Variants in TMEM132E observed in about 807,000 individuals in gnomAD.
TMEM132E encodes transmembrane protein 132E.
A neutral mutation model predicts 78.5 loss-of-function variants in TMEM132E; 49 were observed. The ratio of observed to expected loss-of-function variants is 0.62; its 90% CI spans 0.50 to 0.79. The LOEUF (loss-of-function observed/expected upper bound fraction) is 0.79. TMEM132E is among the 30% of genes least tolerant of loss of function. TMEM132E has a pLI of 0.00. For missense variants in TMEM132E, 1,403 were observed against 1,470.9 expected (o/e 0.95, Z 0.75); for synonymous variants, 715 against 670.6 (o/e 1.07, Z -1.02).
intron 1 of TMEM132E, among the ~76,000 whole-genome samples, chr17:34,593,256 T>A (rs371081064): frequency 1.5e-5 from 2 of 136,934 alleles, no homozygotes; most frequent in Non-Finnish European, 3.2e-5. Context: ...TAAAAAAAAA[T>A]TATATTGAAA....
chr17:34,636,268 G>A (rs889226251), intron 8 of TMEM132E, 70 bp downstream of exon 8: 2 of 1,340,982 alleles, frequency 1.5e-6, no homozygotes, highest in Non-Finnish European at 1.9e-6. Flanking sequence ...GCTCTGCTTT[G>A]CCCTAGCACC....
chr17:34,622,160 C>G (rs955237475), intron 1 of TMEM132E, among the ~76,000 whole-genome samples: 6 of 152,234 alleles, frequency 3.9e-5, no homozygotes, highest in African/African-American at 1.4e-4. Flanking sequence ...GAAAACTTGA[C>G]AGACCAACTG....
Position 34,628,649 on chromosome 17 carries a change from C to T in TMEM132E, c.1085C>T (p.Ala362Val), listed in dbSNP as rs1386659773. The T allele has an allele frequency of 6.2e-7, 1 of 1,613,458 alleles. No homozygotes were observed. The highest frequency in any genetic ancestry group is 1.3e-5 in the African/African-American group (1 of 74,916). Reference sequence around the variant, plus strand: ...GTGACCTCGGAGCTGCTGACTGGGGCAAAGCACTCAACAGCCACCGTGGAT... The same window carrying T: ...GTGACCTCGGAGCTGCTGACTGGGGTAAAGCACTCAACAGCCACCGTGGAT... ...WHVTSELLTG[A>V]KHSTATVDVA... The change falls in exon 3 of 9, where the codon GCA (alanine) becomes GTA (valine). Residue 362 changes from alanine to valine, a missense_variant. Ala to Val is a moderately conservative substitution (Grantham distance 64). Transcript: ENST00000631683.
At chr17:34,627,834 G>C (rs1047944015) in intron 2 of TMEM132E, among the ~76,000 whole-genome samples, 1 of 152,180 alleles carries the variant, frequency 6.6e-6, no homozygotes, top group African/African-American at 2.4e-5. Context: ...CTGTCGGAAA[G>C]GGTCATGCCT....
At chr17:34,609,519 C>T (rs1248119374) in intron 1 of TMEM132E, among the ~76,000 whole-genome samples, 1 of 152,128 alleles carries the variant, frequency 6.6e-6, no homozygotes, top group Non-Finnish European at 1.5e-5. Context: ...ACTTGCCTCT[C>T]GCCCTATGCA....
At chr17:34,591,990 G>A (rs775098648) in intron 1 of TMEM132E, among the ~76,000 whole-genome samples, 3 of 152,190 alleles carry the variant, frequency 2.0e-5, no homozygotes, top group Non-Finnish European at 2.9e-5. Context: ...GGAGGGGCTC[G>A]GTAAACTGGT....
intron 1 of TMEM132E, among the ~76,000 whole-genome samples, chr17:34,625,106 T>C (rs1197188946): frequency 6.6e-6 from 1 of 151,942 alleles, no homozygotes; most frequent in Non-Finnish European, 1.5e-5. Context: ...CTGGCTACTG[T>C]GTGGGGGAGG....
intron 5 of TMEM132E, among the ~76,000 whole-genome samples, chr17:34,632,324 G>C (rs1174489975): frequency 6.6e-6 from 1 of 152,106 alleles, no homozygotes; most frequent in Non-Finnish European, 1.5e-5. Context: ...GACTCTACCT[G>C]CCAGACCCCT....
intron 1 of TMEM132E, among the ~76,000 whole-genome samples, chr17:34,619,265 G>A (rs917973144): frequency 8.4e-5 from 12 of 142,622 alleles, no homozygotes; most frequent in African/African-American, 3.2e-4. Context: ...TTCTAGGCTC[G>A]GGGTACTTGT....
At chr17:34,635,639 C>T (rs1907494924) in intron 7 of TMEM132E, among the ~76,000 whole-genome samples, 1 of 152,152 alleles carries the variant, frequency 6.6e-6, no homozygotes, top group South Asian at 2.1e-4. Flanking sequence ...GTATTGGTGC[C>T]TCCTATACAC....
chr17:34,589,881 C>T (rs547058617), intron 1 of TMEM132E, among the ~76,000 whole-genome samples: 2 of 152,284 alleles, frequency 1.3e-5, no homozygotes, highest in South Asian at 4.1e-4. Context: ...TTTCCAAAAG[C>T]AAGGAACTAT....
rs146386836 is a variant in TMEM132E at position 34,621,016 on chromosome 17, G to A, written c.68-5111G>A. On this transcript the variant is annotated intron_variant, in intron 1 of 8. Coordinates refer to ENST00000631683, the MANE Select transcript of TMEM132E (RefSeq NM_001304438.2). ...GCTAAGCACAGTCTGGCAGGGGTCG[G>A]GGAGGCTGGGGAGAGCTGGGAACAC... 2.3e-3 allele frequency among the ~76,000 whole-genome samples: 351 copies of A among 152,308 alleles called. 2 individuals are homozygous for A. Among genetic ancestry groups the A allele is most frequent in the Middle Eastern group, 6.8e-3 (2 of 294 alleles).
chr17:34,606,910 T>A (rs1487046407), intron 1 of TMEM132E, among the ~76,000 whole-genome samples: 2 of 152,212 alleles, frequency 1.3e-5, no homozygotes, highest in Non-Finnish European at 2.9e-5. Context: ...GCCTCCTTCC[T>A]TTCCTCCTCC....
chr17:34,595,621 C>T (rs1484638043), intron 1 of TMEM132E, among the ~76,000 whole-genome samples: 1 of 152,184 alleles, frequency 6.6e-6, no homozygotes, highest in African/African-American at 2.4e-5. Context: ...GCCCCTCTCA[C>T]CTGGAACCAT....
At chr17:34,606,334 C>T (rs770775629) in intron 1 of TMEM132E, among the ~76,000 whole-genome samples, 16 of 152,140 alleles carry the variant, frequency 1.1e-4, no homozygotes, top group East Asian at 1.9e-4. Flanking sequence ...GCAACAAGAG[C>T]GAAACTCCAT....
In TMEM132E at chr17:34,626,079, G is replaced by A. The variant is rs549722356; in HGVS notation, c.68-48G>A. 1.7e-5 allele frequency: 25 copies of A among 1,435,832 alleles called. No individual in the cohort carries two copies. The South Asian group carries it at 3.4e-4, about 20-fold the overall frequency. 88.9% of individuals were successfully genotyped at this position (1,435,832 alleles called of 1,614,324 possible). Reference sequence around the variant, plus strand: ...CCTGGGGGCACCCTGGGGTCCCAGCGTGGCCTCTCCTGACCACCCTGGGCC... The same window carrying A: ...CCTGGGGGCACCCTGGGGTCCCAGCATGGCCTCTCCTGACCACCCTGGGCC... On this transcript the variant is annotated intron_variant, in intron 1 of 8. Transcript: ENST00000631683.
At chr17:34,623,166 CA>C (rs544477878) in intron 1 of TMEM132E, among the ~76,000 whole-genome samples, 6 of 152,232 alleles carry the variant, frequency 3.9e-5, no homozygotes, top group East Asian at 1.9e-4. Context: ...GGTCCTCCCC[CA>C]GGGGGGGTGA....
At chr17:34,589,205 G>A (rs1368174185) in intron 1 of TMEM132E, among the ~76,000 whole-genome samples, 1 of 152,216 alleles carries the variant, frequency 6.6e-6, no homozygotes, top group Non-Finnish European at 1.5e-5. Context: ...GAATATCTGA[G>A]AGCCTTCGGG....
rs764571058 is a variant in TMEM132E at position 34,635,022 on chromosome 17, C to T, written c.1912C>T (p.Arg638Ter). ...VSDFMRVGDP[R>*]VAHMVDSSTL... ...TGACTTCATGCGGGTGGGCGATCCC[C>T]GAGTGGCACACATGGTGGACAGCAG... The change falls in exon 7 of 9, where the codon CGA becomes TGA. Residue 638 changes from arginine (R) to a stop codon, truncating the protein, a stop_gained. Coordinates refer to ENST00000631683, the MANE Select transcript of TMEM132E (RefSeq NM_001304438.2). LOFTEE classifies it high-confidence loss of function. The T allele has an allele frequency of 4.3e-6, 7 of 1,613,940 alleles. No homozygotes were observed. The highest frequency in any genetic ancestry group is 1.7e-5 in the Admixed American group (1 of 60,006).
Sources: allele counts gnomAD v4.1 joint callset (sites outside exome capture counted in the v4.1 genomes callset), GRCh38; gene constraint gnomAD v4.1.1; transcripts MANE v1.5; gene names NCBI Gene and HGNC (gene_info 2026-07-23, HGNC 2026-07-21).